The following F8 variants were observed in gnomAD, a reference collection of about 807,000 sequenced individuals.
The protein encoded by F8 is antihemophilic factor.
F8 carries 12 observed loss-of-function variants against 140.6 expected under a neutral mutation model. The ratio of observed to expected loss-of-function variants is 0.09; its 90% confidence interval spans 0.05 to 0.14. The LOEUF (loss-of-function observed/expected upper bound fraction) is 0.14. Ranked by LOEUF, F8 falls within the 10% of genes least tolerant of loss-of-function variation. F8 has a pLI of 1.00. For missense variants in F8, 1,354 were observed against 1,720.7 expected (o/e 0.79, Z 3.77); for synonymous variants, 585 against 614.6 (o/e 0.95, Z 0.71).
In F8 at chrX:154,837,652, T is replaced by G. The variant is rs1294203936; in HGVS notation, c.7001A>C (p.His2334Pro). Residue 2334 changes from histidine to proline, a missense_variant, in exon 26 of 26, where the codon CAC becomes CCC. Around this residue, in one of 4 missense-constraint regions of F8, gnomAD observed 316 missense variants for 485.4 expected, o/e 0.65. Transcript: ENST00000360256. ...AACCTCCATCCTCAGGGCAATCTGG[T>G]GCACCCAACTCTGGGGGTGAATTCG... ...YLRIHPQSWV[H>P]QIALRMEVLG... 1 of 1,210,371 alleles carries G rather than the reference T, an allele frequency of 8.3e-7. No homozygotes were observed.
chrX:154,907,108 A>G (rs1557276408), intron 14 of F8, among the ~76,000 whole-genome samples: 1 of 112,194 alleles, frequency 8.9e-6, no homozygotes, highest in East Asian at 2.8e-4. Context: ...ACTGAAGGTA[A>G]CCACCATTCT....
intron 25 of F8, among the ~76,000 whole-genome samples, chrX:154,849,442 T>G (rs1557271994): frequency 9.8e-6 from 1 of 102,333 alleles, no homozygotes; most frequent in Non-Finnish European, 2.0e-5. Flanking sequence ...ACTCATAAAA[T>G]GCACACAATT....
chrX:154,912,898 A>G (rs2073075656), intron 14 of F8, among the ~76,000 whole-genome samples: 2 of 111,098 alleles, frequency 1.8e-5, no homozygotes, highest in Non-Finnish European at 3.8e-5. Flanking sequence ...AGATGCTTAT[A>G]AAACCATCAG....
At position 154,944,498 on chromosome X, in the gene F8, A is replaced by G. The variant is rs1431690542; in HGVS notation, c.2113+3200T>C. Among the ~76,000 whole-genome samples the G allele has an allele frequency of 1.1e-4, 12 of 111,567 alleles. No individual in the cohort carries two copies. The East Asian group carries it at 3.4e-3, about 31-fold the overall frequency. ...CCATCTCACACCAGTTAGAATGGCG[A>G]TCATTAAAAAGTCAGGAAACAACAG... On this transcript the variant is annotated intron_variant, in intron 13 of 25. Transcript: ENST00000360256.
intron 22 of F8, among the ~76,000 whole-genome samples, chrX:154,867,690 C>CAAAAAAAAAAAA (rs373471645): frequency 2.4e-5 from 1 of 41,828 alleles, no homozygotes; most frequent in Non-Finnish European, 4.5e-5. Flanking sequence ...GACTCTGTCT[C>CAAAAAAAAAAAA]AAAAAAAAAA....
intron 25 of F8, 83 bp downstream of exon 25, chrX:154,860,349 T>A: frequency 9.1e-7 from 1 of 1,097,573 alleles, no homozygotes; most frequent in South Asian, 1.9e-5. Context: ...TGGTCATATA[T>A]CAACCTTTTT....
intron 25 of F8, among the ~76,000 whole-genome samples, chrX:154,853,658 T>C (rs782703471): frequency 8.9e-5 from 10 of 112,004 alleles, no homozygotes; most frequent in Non-Finnish European, 1.7e-4. Context: ...TTCATGACAA[T>C]GCAGAATTCT....
At chrX:154,914,041 C>A (rs971002101) in intron 14 of F8, among the ~76,000 whole-genome samples, 1 of 113,312 alleles carries the variant, frequency 8.8e-6, no homozygotes, top group Non-Finnish European at 1.9e-5. Flanking sequence ...GACATCCAGG[C>A]ATTTCCATAC....
chrX:154,994,130 G>A (rs1402732435), intron 3 of F8, among the ~76,000 whole-genome samples: 3 of 112,378 alleles, frequency 2.7e-5, no homozygotes, highest in African/African-American at 9.7e-5. Context: ...AGATATATTT[G>A]TGTTCTTTTT....
intron 14 of F8, among the ~76,000 whole-genome samples, chrX:154,922,205 G>A (rs1408570374): frequency 1.8e-5 from 2 of 111,698 alleles, no homozygotes; most frequent in Admixed American, 9.5e-5. Flanking sequence ...CTAAATAACT[G>A]TCTTCTTTTA....
chrX:154,934,243 C>T, intron 13 of F8, among the ~76,000 whole-genome samples: 1 of 111,713 alleles, frequency 9.0e-6, no homozygotes, highest in East Asian at 2.8e-4. Context: ...TCATGGCTGG[C>T]AGATTTCAGA....
At chrX:154,900,097 A>G in intron 20 of F8, 146 bp from the exon 21 acceptor site, 1 of 470,605 alleles carries the variant, frequency 2.1e-6, no homozygotes, top group East Asian at 3.7e-5. Context: ...ACCAGTATCA[A>G]TTACTATCTA....
rs782124328 is a variant in F8, at chrX:154,930,417, C to A, written c.3373G>T (p.Ala1125Ser). ...CCATGAGTCCTTTGTATCCACCTTG[C>A]TGATTCTGGCAAGAATAGCATCTTA... ...FFKMLFLPES[A>S]RWIQRTHGKN... Residue 1125 changes from alanine to serine, a missense_variant, in exon 14 of 26, where the codon GCA becomes TCA. Ala to Ser is a moderately conservative substitution (Grantham distance 99). Coordinates refer to ENST00000360256, the MANE Select transcript of F8 (RefSeq NM_000132.4). The A allele has an allele frequency of 7.4e-6, 9 of 1,209,918 alleles. No homozygotes were observed. Among genetic ancestry groups the A allele is most frequent in the African/African-American group, 3.5e-5 (2 of 57,252 alleles).
chrX:154,961,700 C>T (rs1557281598), intron 9 of F8, among the ~76,000 whole-genome samples: 1 of 110,953 alleles, frequency 9.0e-6, no homozygotes, highest in Non-Finnish European at 1.9e-5. Context: ...CTTTCTCGGC[C>T]AAGGAGACCC....
chrX:154,952,379 A>G (rs1191516165), intron 12 of F8, among the ~76,000 whole-genome samples: 1 of 111,781 alleles, frequency 8.9e-6, no homozygotes, highest in Non-Finnish European at 1.9e-5. Flanking sequence ...GGAGAATAAT[A>G]TATCACTATT....
intron 6 of F8, among the ~76,000 whole-genome samples, chrX:154,976,291 T>C (rs2124118381): frequency 8.9e-6 from 1 of 112,140 alleles, no homozygotes; most frequent in South Asian, 3.7e-4. Context: ...GCATGGAATA[T>C]CTGTTTCTAT....
chrX:154,991,817 T>TTCC (rs1557284706), intron 4 of F8, among the ~76,000 whole-genome samples: 13 of 112,053 alleles, frequency 1.2e-4, no homozygotes, highest in African/African-American at 3.6e-4. Flanking sequence ...ATCCTTTTTT[T>TTCC]GAATCACATT....
At chrX:154,862,011 T>TTTTTG (rs1298666914) in intron 23 of F8, 145 bp from the exon 24 acceptor site, 67 of 749,689 alleles carry the variant, frequency 8.9e-5, no homozygotes, top group Non-Finnish European at 1.3e-4. Context: ...TGTTATTGGT[T>TTTTTG]TTTTGTTTTG....
rs1174025251 is a variant in F8 at position 154,925,358 on chromosome X, G to A, written c.5219+3213C>T. Reference sequence around the variant, plus strand: ...AATGTGGGCTCAGGGCACCCACACAGAGTCCCTACTGGGGTACCACCTAGT... The same window carrying A: ...AATGTGGGCTCAGGGCACCCACACAAAGTCCCTACTGGGGTACCACCTAGT... On this transcript the variant is annotated intron_variant, in intron 14 of 25. Coordinates refer to ENST00000360256, the MANE Select transcript of F8 (RefSeq NM_000132.4). 3.0e-4 allele frequency among the ~76,000 whole-genome samples: 34 copies of A among 112,277 alleles called. No homozygotes were observed. In the Admixed American group the frequency reaches 3.1e-3, roughly 10 times the overall value.
Sources: gnomAD v4.1 joint callset for allele counts (sites outside exome capture counted in the v4.1 genomes callset) on GRCh38, gnomAD v4.1.1 for gene constraint, gnomAD v4.1.1 regional missense constraint, MANE v1.5 for transcripts, NCBI Gene and HGNC (gene_info 2026-07-23, HGNC 2026-07-21) for gene names.